UGT2B4: variants seen among roughly 807,000 people sequenced by gnomAD.
The protein encoded by UGT2B4 is UDP glucuronosyltransferase family 2 member B4.
A neutral mutation model predicts 49.8 loss-of-function variants in UGT2B4; 49 were observed. The ratio of observed to expected loss-of-function variants is 0.98; its 90% CI spans 0.78 to 1.25. The LOEUF is 1.25. Among genes scored for constraint, UGT2B4 ranks in the 50% most tolerant of loss-of-function variants. The probability of loss-of-function intolerance (pLI) is 0.00; values close to 1 mark genes in which losing one functional copy is unlikely to be tolerated. For missense variants in UGT2B4, 729 were observed against 627.7 expected, an observed-to-expected ratio of 1.16 and a Z score of -1.73; for synonymous variants, 246 against 217.7, an observed-to-expected ratio of 1.13 and a Z score of -1.14.
chr4:69,506,624 G>A (rs1312048936), intron 1 of UGT2B4, among the ~76,000 whole-genome samples: 1 of 151,374 alleles, frequency 6.6e-6, no homozygotes. Context: ...TAGATTCACA[G>A]CTAAATGGTG....
chr4:69,501,046 C>T (rs531020274), intron 1 of UGT2B4, among the ~76,000 whole-genome samples: 16 of 152,256 alleles, frequency 1.1e-4, no homozygotes, highest in South Asian at 1.0e-3. Context: ...CACCTGCAAG[C>T]GCCACCCTCA....
chr4:69,513,651 CT>C (rs1486246437), intron 1 of UGT2B4, among the ~76,000 whole-genome samples: 8 of 152,078 alleles, frequency 5.3e-5, no homozygotes, highest in Non-Finnish European at 1.0e-4. Context: ...CATTGAATCT[CT>C]AAATTACTTT....
Position 69,486,669 on chromosome 4 carries a change from G to T in UGT2B4, c.1030C>A (p.Pro344Thr). ...KVLWRFDGNK[P>T]DTLGLNTRLY... The stretch of plus-strand genomic sequence containing the variant: ...CGAGTATTGAGTCCTAAAGTATCTG[G>T]TTTATTCCCATCAAATCTCCACAGA... Residue 344 changes from proline to threonine, a missense_variant, in exon 4 of 6, where the codon CCA becomes ACA. Pro to Thr is a conservative substitution (Grantham distance 38). Transcript: ENST00000305107. The T allele has an allele frequency of 6.2e-7, 1 of 1,608,072 alleles. No individual in the cohort carries two copies. The highest frequency in any genetic ancestry group is 8.5e-7 in the Non-Finnish European group (1 of 1,178,038).
At chr4:69,521,348 C>G (rs12643318) in intron 1 of UGT2B4, among the ~76,000 whole-genome samples, 53,441 of 152,020 alleles carry the variant, frequency 0.35, 9,488 homozygotes, top group Non-Finnish European at 0.37. Flanking sequence ...CAGCCAGGGA[C>G]GTGACAACCT....
At chr4:69,484,653 C>T (rs1727711474) in intron 5 of UGT2B4, among the ~76,000 whole-genome samples, 1 of 152,050 alleles carries the variant, frequency 6.6e-6, no homozygotes, top group Non-Finnish European at 1.5e-5. Flanking sequence ...GACTTCTATA[C>T]CATTATGGCT....
chr4:69,480,704 A>G lies in UGT2B4; in HGVS notation c.1517T>C (p.Phe506Ser). The G allele has an allele frequency of 6.2e-7, 1 of 1,614,106 alleles. No individual in the cohort carries two copies. Among genetic ancestry groups the G allele is most frequent in the Non-Finnish European group, 8.5e-7 (1 of 1,179,986 alleles). ...ACAAAACAGACATTTTGTGATGATG[A>G]ATATCACAGTTGCCACACAGGCCAG... is the stretch of plus-strand genomic sequence containing the variant. ...FLLACVATVI[F>S]IITKCLFCVW... is the part of the protein sequence containing the mutation. Residue 506 changes from phenylalanine to serine, a missense_variant, in exon 6 of 6, where the codon TTC (phenylalanine) becomes TCC (serine). Coordinates refer to ENST00000305107, the MANE Select transcript of UGT2B4 (RefSeq NM_021139.3).
In UGT2B4 at chr4:69,493,756, T is replaced by C. The variant is rs1728063309; in HGVS notation, c.807A>G (p.Pro269=). 1 of 1,611,132 alleles carries C rather than the reference T, an allele frequency of 6.2e-7. No individual in the cohort carries two copies. The highest frequency in any genetic ancestry group is 8.5e-7 in the Non-Finnish European group (1 of 1,178,838). Residue 269 remains proline (P), a synonymous_variant, in exon 2 of 6, where the codon CCA becomes CCG. Transcript: ENST00000305107. ...RNYWDFQFPH[P]LLPNVEFVGG... is the part of the protein sequence containing the mutation. ...CAACGAACTCAACATTTGGTAAGAG[T>C]GGGTGAGGAAATTGAAAATCCCAGT...
chr4:69,501,428 G>A (rs1728315964), intron 1 of UGT2B4, among the ~76,000 whole-genome samples: 7 of 152,116 alleles, frequency 4.6e-5, no homozygotes, highest in Admixed American at 4.6e-4. Context: ...AACACCCTGG[G>A]AGAGGGCTCG....
At chr4:69,485,563 A>C (rs1727756584) in intron 4 of UGT2B4, 136 bp from the exon 5 acceptor site, 1 of 1,220,980 alleles carries the variant, frequency 8.2e-7, no homozygotes, top group African/African-American at 1.5e-5. Context: ...ACTTCAGAGG[A>C]AGGAACGCCT....
At chr4:69,504,202 G>T (rs371315087) in intron 1 of UGT2B4, among the ~76,000 whole-genome samples, 2 of 152,100 alleles carry the variant, frequency 1.3e-5, no homozygotes, top group Non-Finnish European at 2.9e-5. Flanking sequence ...CTCCAGCAAA[G>T]GTTCAGAACC....
Position 69,493,777 on chromosome 4 carries a change from C to A in UGT2B4, c.786G>T (p.Trp262Cys). ...AGAGTGGGTGAGGAAATTGAAAATC[C>A]CAGTAGTTTCGAATAAGCCATATGT... Reference protein sequence around the residue: ...KADIWLIRNYWDFQFPHPLLP... With the variant: ...KADIWLIRNYCDFQFPHPLLP... The change falls in exon 2 of 6, where the codon TGG becomes TGT. Residue 262 changes from tryptophan to cysteine, a missense_variant. Trp to Cys is a radical substitution (Grantham distance 215, BLOSUM62 -2). Transcript: ENST00000305107. 1 of 1,609,510 alleles carries A rather than the reference C, an allele frequency of 6.2e-7. No individual in the cohort carries two copies.
intron 1 of UGT2B4, among the ~76,000 whole-genome samples, chr4:69,519,694 C>T (rs190621214): frequency 6.6e-6 from 1 of 152,202 alleles, no homozygotes; most frequent in Admixed American, 6.5e-5. Context: ...AAGATCTTCA[C>T]CCTAAAACAG....
chr4:69,480,752 GA>G lies in UGT2B4; in HGVS notation c.1468del (p.Ser490LeufsTer4), dbSNP rs772384251. ...CAGCAGGAACCCAGTCACATCCAAA[GA>G]GTGGTACTGGAACCAGGTGAGGTCG... Reference protein sequence around the residue: ...AHDLTWFQYHSLDVTGFLLAC... With the variant: ...AHDLTWFQYHXLDVTGFLLAC... On this transcript the variant is annotated frameshift_variant, in exon 6 of 6. Transcript: ENST00000305107. LOFTEE classifies it high-confidence loss of function. 6.2e-6 allele frequency: 10 copies of G among 1,613,884 alleles called. No individual in the cohort carries two copies. The highest frequency in any genetic ancestry group is 8.5e-7 in the Non-Finnish European group (1 of 1,179,944).
chr4:69,485,275 A>G lies in UGT2B4; in HGVS notation c.1243T>C (p.Leu415=), dbSNP rs761192486. 111 of 1,613,864 alleles carry G rather than the reference A, an allele frequency of 6.9e-5. No individual in the cohort carries two copies. The highest frequency in any genetic ancestry group is 9.2e-5 in the Non-Finnish European group (108 of 1,179,944). ...HMKAKGAAVS[L]DFHTMSSTDL... Reference sequence around the variant, plus strand: ...GTACTCGACATTGTGTGGAAGTCCAAACTAACAGCTGCTCCCTTGGCCTTC... The same window carrying G: ...GTACTCGACATTGTGTGGAAGTCCAGACTAACAGCTGCTCCCTTGGCCTTC... Residue 415 remains leucine, a synonymous_variant, in exon 5 of 6, where the codon TTG becomes CTG. Coordinates refer to ENST00000305107, the MANE Select transcript of UGT2B4 (RefSeq NM_021139.3).
intron 1 of UGT2B4, among the ~76,000 whole-genome samples, chr4:69,502,980 TGG>T (rs78941612): frequency 0.95 from 144,091 of 151,984 alleles, 68,792 homozygotes; most frequent in East Asian, 1. Context: ...AGCACCTCTC[TGG>T]GGGGATCCTC....
chr4:69,483,585 A>C (rs919076882), intron 5 of UGT2B4, among the ~76,000 whole-genome samples: 1 of 151,886 alleles, frequency 6.6e-6, no homozygotes, highest in African/African-American at 2.4e-5. Context: ...TTCTTTTCCA[A>C]TTATTTCCTG....
At chr4:69,509,942 G>A (rs1426554810) in intron 1 of UGT2B4, among the ~76,000 whole-genome samples, 1 of 152,040 alleles carries the variant, frequency 6.6e-6, no homozygotes, top group Non-Finnish European at 1.5e-5. Flanking sequence ...CCAATGTTAT[G>A]AAGCTTTTGC....
chr4:69,509,991 T>G (rs1728568278), intron 1 of UGT2B4, among the ~76,000 whole-genome samples: 1 of 152,210 alleles, frequency 6.6e-6, no homozygotes, highest in Admixed American at 6.5e-5. Flanking sequence ...TTTCAAGTCC[T>G]ATGTTTAAGA....
rs543125385 is a variant in UGT2B4, at chr4:69,480,958, G to T, written c.1311-48C>A. Reference sequence around the variant, plus strand: ...TCAACATTGAAAGTAAGTTAATTTGGCCAGGCACGGAGGCTCACACCTGCA... The same window carrying T: ...TCAACATTGAAAGTAAGTTAATTTGTCCAGGCACGGAGGCTCACACCTGCA... On this transcript the variant is annotated intron_variant, in intron 5 of 5. Coordinates refer to ENST00000305107, the MANE Select transcript of UGT2B4 (RefSeq NM_021139.3). The T allele has an allele frequency of 1.8e-5, 29 of 1,592,312 alleles. No individual in the cohort carries two copies. The South Asian group carries it at 2.6e-4, about 14-fold the overall frequency.
Sources: allele counts gnomAD v4.1 joint callset (sites outside exome capture counted in the v4.1 genomes callset), GRCh38; gene constraint gnomAD v4.1.1; transcripts MANE v1.5; gene names NCBI Gene and HGNC (gene_info 2026-07-23, HGNC 2026-07-21).